The following KDM3B variants were observed in gnomAD, a reference collection of about 807,000 sequenced individuals.
The protein encoded by KDM3B is lysine-specific demethylase 3B.
Under a neutral mutation model 170.0 loss-of-function variants are expected in KDM3B, and 10 were observed. That is an observed-to-expected ratio of 0.06 (90% CI 0.04 to 0.10). The LOEUF is 0.10. KDM3B is among the 10% of genes least tolerant of loss of function. KDM3B has a pLI of 1.00. For missense variants in KDM3B, 1,394 were observed against 2,195.2 expected, an observed-to-expected ratio of 0.64 and a Z score of 7.29; for synonymous variants, 831 against 834.8, an observed-to-expected ratio of 1.00 and a Z score of 0.08.
At chr5:138,410,705 G>T (rs1361487278) in intron 11 of KDM3B, among the ~76,000 whole-genome samples, 1 of 152,324 alleles carries the variant, frequency 6.6e-6, no homozygotes, top group African/African-American at 2.4e-5. Flanking sequence ...AGCAAAAGGG[G>T]CAGGGTAAAG....
At chr5:138,413,232 A>G (rs1376147623) in intron 11 of KDM3B, among the ~76,000 whole-genome samples, 3 of 152,004 alleles carry the variant, frequency 2.0e-5, no homozygotes, top group African/African-American at 7.2e-5. Flanking sequence ...AAACACAAAA[A>G]ATTAGTTGGG....
At chr5:138,429,301 C>G (rs1430202097) in intron 20 of KDM3B, among the ~76,000 whole-genome samples, 1 of 152,132 alleles carries the variant, frequency 6.6e-6, no homozygotes, top group African/African-American at 2.4e-5. Context: ...ATCCGCCCAC[C>G]TCAGCCTCTC....
chr5:138,421,572 T>G (rs889835898), intron 15 of KDM3B, among the ~76,000 whole-genome samples: 2 of 152,246 alleles, frequency 1.3e-5, no homozygotes, highest in African/African-American at 4.8e-5. Context: ...GCCTAAGTTT[T>G]TGCAATAAAT....
chr5:138,359,551 C>T (rs1229927786), intron 1 of KDM3B, among the ~76,000 whole-genome samples: 1 of 149,946 alleles, frequency 6.7e-6, no homozygotes, highest in Non-Finnish European at 1.5e-5. Flanking sequence ...AAGTGATCCA[C>T]TCAGCTCGGC....
At chr5:138,428,195 T>A in intron 20 of KDM3B, 109 bp downstream of exon 20, 2 of 1,172,938 alleles carry the variant, frequency 1.7e-6, no homozygotes, top group Non-Finnish European at 2.4e-6. Context: ...TTTTTCTTTT[T>A]CTTTTTTCTG....
chr5:138,353,033 C>T (rs1217901891), intron 1 of KDM3B, 46 bp downstream of exon 1: 1 of 1,071,304 alleles, frequency 9.3e-7, no homozygotes, highest in African/African-American at 1.7e-5. Flanking sequence ...GCTGCGGGGC[C>T]TGCGGGCGGC....
At chr5:138,429,760 AT>A in intron 20 of KDM3B, 65 bp from the exon 21 acceptor site, 2 of 1,544,428 alleles carry the variant, frequency 1.3e-6, no homozygotes, top group Admixed American at 1.8e-5. Flanking sequence ...TAAATTGGAC[AT>A]TTCATTTCAC....
chr5:138,421,865 C>T (rs1050311226), intron 15 of KDM3B, among the ~76,000 whole-genome samples: 5 of 152,118 alleles, frequency 3.3e-5, no homozygotes, highest in Non-Finnish European at 7.4e-5. Context: ...GAGGCCATAG[C>T]CCTATCTGTT....
intron 6 of KDM3B, among the ~76,000 whole-genome samples, chr5:138,384,845 T>C (rs1280719754): frequency 7.2e-6 from 1 of 139,356 alleles, no homozygotes; most frequent in Non-Finnish European, 1.5e-5. Flanking sequence ...ACCCGTTAGG[T>C]GGAGGTTGCA....
intron 11 of KDM3B, among the ~76,000 whole-genome samples, chr5:138,414,329 C>T (rs903484322): frequency 6.6e-6 from 1 of 152,108 alleles, no homozygotes; most frequent in Non-Finnish European, 1.5e-5. Context: ...CCACACCTGG[C>T]TAATTTTTTG....
chr5:138,415,283 A>G, intron 12 of KDM3B, 44 bp downstream of exon 12: 2 of 1,313,950 alleles, frequency 1.5e-6, no homozygotes, highest in Non-Finnish European at 2.2e-6. Flanking sequence ...AAATGTTTTT[A>G]GTTGAGATAG....
At chr5:138,382,136 G>C (rs1262235292) in intron 6 of KDM3B, among the ~76,000 whole-genome samples, 1 of 151,884 alleles carries the variant, frequency 6.6e-6, no homozygotes, top group Non-Finnish European at 1.5e-5. Flanking sequence ...AATTAATATA[G>C]CCCCAAAAAA....
intron 1 of KDM3B, among the ~76,000 whole-genome samples, chr5:138,361,336 CTCCTTTTTTTTTTTT>C (rs1761604286): frequency 3.0e-5 from 2 of 67,444 alleles, no homozygotes; most frequent in Non-Finnish European, 5.8e-5. Context: ...AGGGCTGAAA[CTCCTTTTTTTTTTTT>C]TCCTTTTTTC....
intron 12 of KDM3B, among the ~76,000 whole-genome samples, chr5:138,416,588 CAAAA>C (rs545925296): frequency 4.7e-5 from 4 of 84,226 alleles, no homozygotes; most frequent in Admixed American, 1.3e-4. Context: ...GACTCTGTCT[CAAAA>C]AAAAAAAAAA....
intron 12 of KDM3B, among the ~76,000 whole-genome samples, chr5:138,416,124 A>T (rs1186892669): frequency 6.6e-6 from 1 of 150,694 alleles, no homozygotes; most frequent in Non-Finnish European, 1.5e-5. Flanking sequence ...CATGAGGAAG[A>T]CAGCTTGCTC....
chr5:138,423,233 C>A (rs1392078312), intron 15 of KDM3B, among the ~76,000 whole-genome samples: 3 of 152,230 alleles, frequency 2.0e-5, no homozygotes, highest in Admixed American at 2.0e-4. Flanking sequence ...AGGCATGAGC[C>A]ACCGTGCCCA....
chr5:138,419,384 G>GAGCCACCACGCCA, intron 14 of KDM3B, 152 bp downstream of exon 14: 1 of 987,324 alleles, frequency 1.0e-6, no homozygotes, highest in Non-Finnish European at 1.5e-6. Context: ...GGCCTGGCGT[G>GAGCCACCACGCCA]GTGGCTCACG....
intron 2 of KDM3B, chr5:138,374,434 A>G: frequency 3.4e-6 from 1 of 295,754 alleles, no homozygotes; most frequent in South Asian, 2.5e-5. Flanking sequence ...TATTTTTTGT[A>G]TTTTTAGTAG....
chr5:138,385,217 C>T (rs924620119), intron 6 of KDM3B, among the ~76,000 whole-genome samples: 1 of 152,030 alleles, frequency 6.6e-6, no homozygotes. Context: ...GACAGGGTTT[C>T]ACCATGTTGC....
Sources: allele counts gnomAD v4.1 joint callset (sites outside exome capture counted in the v4.1 genomes callset), GRCh38; gene constraint gnomAD v4.1.1; transcripts MANE v1.5; gene names NCBI Gene and HGNC (gene_info 2026-07-23, HGNC 2026-07-21).